STAG1: variants seen among roughly 807,000 people sequenced by gnomAD.
STAG1 encodes the protein STAG1 cohesin complex component, also known as cohesin subunit SA-1.
A neutral mutation model predicts 170.9 loss-of-function variants in STAG1; 26 were observed. The observed-to-expected ratio is 0.15, with a 90% confidence interval of 0.11 to 0.21. The LOEUF (loss-of-function observed/expected upper bound fraction) is 0.21, where lower values mean the gene tolerates loss of function less well. Among genes scored for constraint, STAG1 ranks in the 10% least tolerant of loss-of-function variants. STAG1 has a pLI of 1.00. For synonymous variants in STAG1, 514 were observed against 497.7 expected, an observed-to-expected ratio of 1.03 and a Z score of -0.44; for missense variants, 964 against 1,509.5, an observed-to-expected ratio of 0.64 and a Z score of 5.99.
chr3:136,372,367 C>T (rs1937389741), intron 23 of STAG1, among the ~76,000 whole-genome samples: 1 of 152,134 alleles, frequency 6.6e-6, no homozygotes, highest in Non-Finnish European at 1.5e-5. Context: ...CTGCCCGGAC[C>T]AGAACTTCCA....
intron 1 of STAG1, among the ~76,000 whole-genome samples, chr3:136,636,204 C>T (rs546984678): frequency 1.9e-4 from 29 of 151,822 alleles, no homozygotes; most frequent in African/African-American, 6.8e-4. Context: ...GCCGAGACCA[C>T]GCCATTGCAC....
intron 1 of STAG1, among the ~76,000 whole-genome samples, chr3:136,663,029 G>A (rs373331699): frequency 1.3e-5 from 2 of 152,116 alleles, no homozygotes; most frequent in Admixed American, 6.5e-5. Context: ...TCCAGTCTGG[G>A]CAGCAGAGTG....
chr3:136,649,503 C>CAAAAAAAAAAAAAAAAAAAAAAAACA (rs761067087), intron 1 of STAG1, among the ~76,000 whole-genome samples: 1 of 70,880 alleles, frequency 1.4e-5, no homozygotes, highest in African/African-American at 4.5e-5. Flanking sequence ...AAAACAGAAA[C>CAAAAAAAAAAAAAAAAAAAAAAAACA]AAAAAAAAAA....
chr3:136,385,977 C>T (rs1044543018), intron 22 of STAG1, among the ~76,000 whole-genome samples: 4 of 152,166 alleles, frequency 2.6e-5, no homozygotes, highest in Non-Finnish European at 4.4e-5. Context: ...GCTGGGCTTA[C>T]GGGCATTAGC....
intron 6 of STAG1, among the ~76,000 whole-genome samples, chr3:136,536,596 G>C (rs1935639846): frequency 6.6e-6 from 1 of 151,382 alleles, no homozygotes. Context: ...AGCTACTCAG[G>C]AGGCTAAGGC....
At chr3:136,544,590 T>A (rs571007905) in intron 5 of STAG1, among the ~76,000 whole-genome samples, 1 of 151,802 alleles carries the variant, frequency 6.6e-6, no homozygotes, top group Non-Finnish European at 1.5e-5. Context: ...CGGCGAGACA[T>A]CATCTCTACT....
At chr3:136,372,524 T>A (rs9821663) in intron 23 of STAG1, among the ~76,000 whole-genome samples, 6,192 of 152,336 alleles carry the variant, frequency 0.041, 176 homozygotes, top group South Asian at 0.071. Flanking sequence ...ACACGTCCCA[T>A]CAATACCTAA....
rs1553725810 is a variant in STAG1, at chr3:136,463,767, G to GTATGTA, written c.1313+1113_1313+1114insTACATA. Among the ~76,000 whole-genome samples the GTATGTA allele has an allele frequency of 3.9e-3, 228 of 58,750 alleles. 1 individual carries two copies. Among genetic ancestry groups the GTATGTA allele is most frequent in the African/African-American group, 9.0e-3 (218 of 24,354 alleles). 38.5% of individuals were successfully genotyped at this position (58,750 alleles called of 152,430 possible). ...TGTGTGTGTGTGTGTGTGTGTGTGTGTATACACACACACACACACACACAT... is the reference window on the plus strand; with the variant it reads ...TGTGTGTGTGTGTGTGTGTGTGTGTGTATGTATATACACACACACACACACACACAT... On this transcript the variant is annotated intron_variant, in intron 13 of 33. Coordinates refer to ENST00000383202, the MANE Select transcript of STAG1 (RefSeq NM_005862.3).
chr3:136,702,496 C>T (rs1031855558), intron 1 of STAG1, among the ~76,000 whole-genome samples: 1 of 152,208 alleles, frequency 6.6e-6, no homozygotes, highest in African/African-American at 2.4e-5. Flanking sequence ...AAGTGATTCA[C>T]CTGCCTCAGG....
chr3:136,672,441 A>G (rs189247452), intron 1 of STAG1, among the ~76,000 whole-genome samples: 1 of 152,344 alleles, frequency 6.6e-6, no homozygotes, highest in Non-Finnish European at 1.5e-5. Flanking sequence ...TTTTGTCTGT[A>G]TATTTCCAGA....
In STAG1 at chr3:136,417,909, A is replaced by G. The variant is rs1436948202; in HGVS notation, c.2172T>C (p.Ile724=). ...CCTGTTCTGGCATGGCTCCATGTTCAATTCCAGTCTTCAATAATCTGTAGC... is the reference window on the plus strand; with the variant it reads ...CCTGTTCTGGCATGGCTCCATGTTCGATTCCAGTCTTCAATAATCTGTAGC... ...GNCYRLLKTG[I]EHGAMPEQIV... The change falls in exon 21 of 34, where the codon ATT becomes ATC. Residue 724 remains isoleucine (I), a synonymous_variant. Coordinates refer to ENST00000383202, the MANE Select transcript of STAG1 (RefSeq NM_005862.3). The G allele has an allele frequency of 3.7e-6, 6 of 1,613,978 alleles. No individual in the cohort carries two copies. Among genetic ancestry groups the G allele is most frequent in the Non-Finnish European group, 5.1e-6 (6 of 1,179,838 alleles).
At chr3:136,699,834 C>T (rs1942999123) in intron 1 of STAG1, among the ~76,000 whole-genome samples, 1 of 151,948 alleles carries the variant, frequency 6.6e-6, no homozygotes, top group Admixed American at 6.6e-5. Flanking sequence ...TTAAAATATA[C>T]AAAACGATCA....
chr3:136,502,593 C>T, intron 8 of STAG1, 35 bp downstream of exon 8: 4 of 1,602,066 alleles, frequency 2.5e-6, no homozygotes, highest in Non-Finnish European at 3.4e-6. Context: ...CACACATTTA[C>T]AGAACATAAA....
chr3:136,571,854 T>C (rs904588186), intron 4 of STAG1, among the ~76,000 whole-genome samples: 3 of 151,976 alleles, frequency 2.0e-5, no homozygotes, highest in Admixed American at 2.0e-4. Flanking sequence ...ACACTCTCTC[T>C]AGCCTGCGCA....
intron 9 of STAG1, among the ~76,000 whole-genome samples, chr3:136,490,406 TTAA>T (rs1559836901): frequency 1.3e-5 from 2 of 152,188 alleles, no homozygotes; most frequent in Non-Finnish European, 2.9e-5. Context: ...TTGCTAATTA[TTAA>T]TAAGTAAAAA....
chr3:136,398,696 G>T (rs2087237245), intron 22 of STAG1, 53 bp downstream of exon 22: 2 of 1,061,682 alleles, frequency 1.9e-6, no homozygotes, highest in Non-Finnish European at 2.7e-6. Flanking sequence ...AAATAGTTAA[G>T]CAAGGTTATT....
At chr3:136,604,494 G>C in intron 3 of STAG1, 21 bp from the exon 4 acceptor site, 1 of 1,575,528 alleles carries the variant, frequency 6.3e-7, no homozygotes, top group Non-Finnish European at 8.6e-7. Context: ...GATAAAAAAA[G>C]ATTCCATTCG....
Position 136,338,475 on chromosome 3 carries a change from A to AT in STAG1, c.3673-26dup, listed in dbSNP as rs747450011. 2.5e-6 allele frequency: 4 copies of AT among 1,577,510 alleles called. No homozygotes were observed. The East Asian group carries it at 6.7e-5, about 27-fold the overall frequency. On this transcript the variant is annotated intron_variant, in intron 32 of 33. Transcript: ENST00000383202. ...GCTGGAAAGAGAAATCGGTTTCTTA[A>AT]TTTTTTTCTGAGATCATTAAGACAA...
intron 5 of STAG1, among the ~76,000 whole-genome samples, chr3:136,548,461 T>C (rs985115546): frequency 3.3e-5 from 5 of 152,166 alleles, no homozygotes; most frequent in African/African-American, 1.2e-4. Context: ...AGTTTGGAAG[T>C]GTGGTGCTTC....
Sources: allele counts gnomAD v4.1 joint callset (sites outside exome capture counted in the v4.1 genomes callset), GRCh38; gene constraint gnomAD v4.1.1; transcripts MANE v1.5; gene names NCBI Gene and HGNC (gene_info 2026-07-23, HGNC 2026-07-21).